Variants in NTRK3 observed in about 807,000 individuals in gnomAD.
The protein encoded by NTRK3 is neurotrophic receptor tyrosine kinase 3.
A neutral mutation model predicts 91.7 loss-of-function variants in NTRK3; 24 were observed. That is an observed-to-expected ratio of 0.26 (90% CI 0.19 to 0.37). The LOEUF (loss-of-function observed/expected upper bound fraction) is 0.37, where lower values mean the gene tolerates loss of function less well. Ranked by LOEUF, NTRK3 falls within the 10% of genes least tolerant of loss-of-function variation. NTRK3 has a pLI of 1.00. For missense variants in NTRK3, 880 were observed against 1,068.9 expected, an observed-to-expected ratio of 0.82 and a Z score of 2.46; for synonymous variants, 483 against 404.0, an observed-to-expected ratio of 1.20 and a Z score of -2.34.
intron 14 of NTRK3, among the ~76,000 whole-genome samples, chr15:87,993,249 GA>G (rs2075424758): frequency 6.6e-6 from 1 of 152,172 alleles, no homozygotes; most frequent in Non-Finnish European, 1.5e-5. Flanking sequence ...AATCTGGCAG[GA>G]AATGCAATCA....
At chr15:88,046,898 C>T (rs1031101944) in intron 13 of NTRK3, among the ~76,000 whole-genome samples, 1 of 152,182 alleles carries the variant, frequency 6.6e-6, no homozygotes, top group Non-Finnish European at 1.5e-5. Flanking sequence ...ATAAATGCAA[C>T]ACCAAAATCA....
intron 17 of NTRK3, among the ~76,000 whole-genome samples, chr15:87,913,418 C>T (rs569705026): frequency 6.6e-6 from 1 of 152,260 alleles, no homozygotes; most frequent in African/African-American, 2.4e-5. Flanking sequence ...GAGCACTGCT[C>T]AGGATGACAT....
chr15:88,216,396 C>T (rs896478457), intron 3 of NTRK3, among the ~76,000 whole-genome samples: 1 of 152,236 alleles, frequency 6.6e-6, no homozygotes, highest in Non-Finnish European at 1.5e-5. Context: ...AAAGAGCTCA[C>T]CCCTGTGGGC....
At chr15:88,020,473 T>A (rs979031957) in intron 14 of NTRK3, among the ~76,000 whole-genome samples, 10 of 152,074 alleles carry the variant, frequency 6.6e-5, no homozygotes, top group Admixed American at 1.3e-4. Context: ...CAGAAATAAA[T>A]CCAAGCTTGG....
chr15:87,931,858 G>A (rs1037202175), intron 16 of NTRK3, among the ~76,000 whole-genome samples: 3 of 152,172 alleles, frequency 2.0e-5, no homozygotes, highest in African/African-American at 7.2e-5. Context: ...TTTGGTGAGT[G>A]GGCTAGAGCC....
chr15:87,940,589 C>A (rs1423156624), intron 15 of NTRK3, 34 bp downstream of exon 15: 1 of 1,612,794 alleles, frequency 6.2e-7, no homozygotes, highest in Non-Finnish European at 8.5e-7. Context: ...TCAGCCAGCC[C>A]TCCTCCTGGT....
At chr15:88,176,526 G>C (rs2046014100) in intron 5 of NTRK3, among the ~76,000 whole-genome samples, 1 of 152,156 alleles carries the variant, frequency 6.6e-6, no homozygotes, top group Non-Finnish European at 1.5e-5. Context: ...AAAGAAAGTA[G>C]ACAGGATAAA....
At chr15:87,882,491 T>C (rs968275232) in intron 17 of NTRK3, among the ~76,000 whole-genome samples, 1 of 152,160 alleles carries the variant, frequency 6.6e-6, no homozygotes, top group Non-Finnish European at 1.5e-5. Flanking sequence ...ATACAATTAC[T>C]AATAAAGGCT....
At position 88,242,726 on chromosome 15, in the gene NTRK3, C is replaced by A. The variant is rs55952692; in HGVS notation, c.248+13180G>T. On this transcript the variant is annotated intron_variant, in intron 3 of 18. Transcript: ENST00000394480. ...CCCACAGAAGGAAGAGCCAGGCTGG[C>A]CCTGCTAGCGCATCTGCTCATTCTT... Among the ~76,000 whole-genome samples the A allele has an allele frequency of 7.6e-3, 1,155 of 152,334 alleles. 17 individuals carry two copies. The highest frequency in any genetic ancestry group is 0.027 in the African/African-American group (1,104 of 41,580).
chr15:88,076,420 T>C (rs1416406775), intron 13 of NTRK3, among the ~76,000 whole-genome samples: 2 of 152,168 alleles, frequency 1.3e-5, no homozygotes, highest in Middle Eastern at 3.4e-3. Context: ...GCAGATTAAG[T>C]GGGATTTCCT....
intron 17 of NTRK3, chr15:87,885,721 A>C: frequency 7.2e-7 from 1 of 1,380,344 alleles, no homozygotes; most frequent in South Asian, 1.6e-5. Flanking sequence ...AATCATTTCC[A>C]GATGGATTAA....
intron 14 of NTRK3, among the ~76,000 whole-genome samples, chr15:87,958,525 G>T (rs1268160714): frequency 6.6e-6 from 1 of 151,836 alleles, no homozygotes; most frequent in Non-Finnish European, 1.5e-5. Context: ...CCTTCCCCAG[G>T]GCGTCCCTAT....
At chr15:88,082,147 G>A (rs146867940) in intron 13 of NTRK3, among the ~76,000 whole-genome samples, 3,214 of 152,034 alleles carry the variant, frequency 0.021, 92 homozygotes, top group African/African-American at 0.068. Flanking sequence ...GCGTGGTGGC[G>A]CACACCTGTA....
At chr15:87,994,442 G>C (rs1020098425) in intron 14 of NTRK3, among the ~76,000 whole-genome samples, 11 of 152,202 alleles carry the variant, frequency 7.2e-5, no homozygotes, top group Non-Finnish European at 1.5e-4. Flanking sequence ...CATGAAGGCA[G>C]AGATCTGCAT....
intron 14 of NTRK3, among the ~76,000 whole-genome samples, chr15:88,023,879 G>A (rs146644437): frequency 6.6e-6 from 1 of 152,298 alleles, no homozygotes; most frequent in African/African-American, 2.4e-5. Context: ...TGTTGCCTCT[G>A]TTACTGGTTC....
At chr15:87,929,253 G>T (rs267604361) in exon 17 of NTRK3, 1 of 1,614,006 alleles carries the variant, frequency 6.2e-7, no homozygotes, top group African/African-American at 1.3e-5. Context: ...TTCACTAGCA[G>T]ATTCGCTCCA....
At chr15:88,117,146 GT>G (rs1460799440) in intron 13 of NTRK3, among the ~76,000 whole-genome samples, 1 of 152,206 alleles carries the variant, frequency 6.6e-6, no homozygotes, top group East Asian at 1.9e-4. Flanking sequence ...CTTATCAGAT[GT>G]TTAGAATGTG....
intron 13 of NTRK3, chr15:88,072,658 C>T (rs915768965): frequency 8.6e-6 from 2 of 232,644 alleles, no homozygotes; most frequent in African/African-American, 2.2e-5. Context: ...TTTGATGAGA[C>T]ACCCTTGGTT....
At chr15:87,903,398 G>C (rs2066569050) in intron 17 of NTRK3, among the ~76,000 whole-genome samples, 1 of 152,118 alleles carries the variant, frequency 6.6e-6, no homozygotes, top group Admixed American at 6.5e-5. Flanking sequence ...CAACCAGAAA[G>C]ATTCCCTCCC....
Sources: allele counts gnomAD v4.1 joint callset (sites outside exome capture counted in the v4.1 genomes callset), GRCh38; gene constraint gnomAD v4.1.1; transcripts MANE v1.5; gene names NCBI Gene and HGNC (gene_info 2026-07-23, HGNC 2026-07-21).